SORCS3: variants seen among roughly 807,000 people sequenced by gnomAD.
SORCS3 encodes the protein sortilin related VPS10 domain containing receptor 3.
A neutral mutation model predicts 146.3 loss-of-function variants in SORCS3; 57 were observed. The ratio of observed to expected loss-of-function variants is 0.39; its 90% CI spans 0.31 to 0.49. The LOEUF is 0.49. Ranked by LOEUF, SORCS3 falls within the 20% of genes least tolerant of loss-of-function variation. SORCS3 has a pLI of 0.92. For missense variants in SORCS3, 1,341 were observed against 1,575.5 expected, an observed-to-expected ratio of 0.85 and a Z score of 2.52; for synonymous variants, 653 against 618.5, an observed-to-expected ratio of 1.06 and a Z score of -0.83.
At chr10:104,695,875 T>A (rs1484961580) in intron 1 of SORCS3, among the ~76,000 whole-genome samples, 1 of 149,424 alleles carries the variant, frequency 6.7e-6, no homozygotes, top group Non-Finnish European at 1.5e-5. Context: ...TTCACAATAG[T>A]CAAAATATTG....
intron 16 of SORCS3, among the ~76,000 whole-genome samples, chr10:105,207,017 T>C (rs1252597040): frequency 2.0e-5 from 3 of 152,072 alleles, no homozygotes; most frequent in South Asian, 2.1e-4. Context: ...CCATGACTTC[T>C]TGGTTAGCTC....
intron 1 of SORCS3, among the ~76,000 whole-genome samples, chr10:104,770,740 G>A (rs571846464): frequency 2.6e-5 from 4 of 152,018 alleles, no homozygotes; most frequent in East Asian, 1.9e-4. Context: ...AGCTGAGGCC[G>A]GTGGATGATT....
intron 8 of SORCS3, among the ~76,000 whole-genome samples, chr10:105,144,204 C>G (rs1055130959): frequency 1.7e-4 from 26 of 152,150 alleles, no homozygotes; most frequent in African/African-American, 6.3e-4. Context: ...GATACAGATT[C>G]CCACACATTT....
chr10:104,827,578 A>G (rs1413260232), intron 1 of SORCS3, among the ~76,000 whole-genome samples: 1 of 152,172 alleles, frequency 6.6e-6, no homozygotes, highest in East Asian at 1.9e-4. Flanking sequence ...ATAGAACACA[A>G]GCAGAGGAGA....
intron 19 of SORCS3, among the ~76,000 whole-genome samples, chr10:105,221,843 G>T (rs886580014): frequency 6.6e-6 from 1 of 152,144 alleles, no homozygotes; most frequent in Middle Eastern, 3.4e-3. Flanking sequence ...AATGTGCTCT[G>T]ACATAATAGG....
intron 7 of SORCS3, among the ~76,000 whole-genome samples, chr10:105,114,846 G>T (rs574241345): frequency 2.3e-4 from 35 of 152,262 alleles, no homozygotes; most frequent in African/African-American, 7.5e-4. Flanking sequence ...GCAATAACAT[G>T]TATCAGACTG....
At chr10:104,695,276 G>A (rs1351338781) in intron 1 of SORCS3, among the ~76,000 whole-genome samples, 1 of 152,032 alleles carries the variant, frequency 6.6e-6, no homozygotes, top group African/African-American at 2.4e-5. Context: ...AAGAAGTGTT[G>A]TAAATCCAGT....
intron 3 of SORCS3, among the ~76,000 whole-genome samples, chr10:104,971,498 A>G (rs990204547): frequency 4.3e-4 from 65 of 152,172 alleles, no homozygotes; most frequent in African/African-American, 1.4e-3. Context: ...ACGCTCATGG[A>G]GCTAGGGTAT....
intron 4 of SORCS3, among the ~76,000 whole-genome samples, chr10:105,040,544 C>T (rs879623909): frequency 6.6e-6 from 1 of 152,124 alleles, no homozygotes; most frequent in Non-Finnish European, 1.5e-5. Context: ...ATCTGTCAAC[C>T]TCTAGAGCTT....
chr10:104,916,371 AC>A (rs1261201616), intron 3 of SORCS3, among the ~76,000 whole-genome samples: 1 of 152,028 alleles, frequency 6.6e-6, no homozygotes, highest in African/African-American at 2.4e-5. Context: ...TTTTTTGAGA[AC>A]CCCTTACTCC....
chr10:105,180,330 T>C (rs1415229202), intron 14 of SORCS3, among the ~76,000 whole-genome samples: 2 of 152,192 alleles, frequency 1.3e-5, no homozygotes, highest in African/African-American at 4.8e-5. Context: ...AAATGTAAGT[T>C]CCAAGAAAGC....
intron 1 of SORCS3, among the ~76,000 whole-genome samples, chr10:104,747,254 A>C (rs1170468031): frequency 6.6e-6 from 1 of 152,190 alleles, no homozygotes; most frequent in African/African-American, 2.4e-5. Flanking sequence ...CAGCTGCTCA[A>C]AGTGTTTGTC....
At chr10:104,989,252 G>A (rs1010101802) in intron 4 of SORCS3, among the ~76,000 whole-genome samples, 1 of 152,200 alleles carries the variant, frequency 6.6e-6, no homozygotes, top group African/African-American at 2.4e-5. Flanking sequence ...TTGAAGTACT[G>A]ACAGGTATTA....
At chr10:105,118,826 G>A (rs562778087) in intron 7 of SORCS3, among the ~76,000 whole-genome samples, 3 of 152,262 alleles carry the variant, frequency 2.0e-5, no homozygotes, top group Non-Finnish European at 4.4e-5. Context: ...TCTGGTGGAA[G>A]GAACTTCTAA....
At chr10:105,056,683 C>G (rs1652375213) in intron 5 of SORCS3, among the ~76,000 whole-genome samples, 1 of 152,186 alleles carries the variant, frequency 6.6e-6, no homozygotes, top group Admixed American at 6.5e-5. Context: ...CTAAAGCATC[C>G]TGATCTCAAG....
At chr10:105,041,426 T>TAC (rs1381378360) in intron 4 of SORCS3, among the ~76,000 whole-genome samples, 2 of 143,590 alleles carry the variant, frequency 1.4e-5, no homozygotes, top group Non-Finnish European at 3.0e-5. Flanking sequence ...TATATATATA[T>TAC]ACACACACAT....
chr10:104,795,697 T>G (rs2017546944), intron 1 of SORCS3, among the ~76,000 whole-genome samples: 1 of 152,262 alleles, frequency 6.6e-6, no homozygotes, highest in Non-Finnish European at 1.5e-5. Flanking sequence ...GCTTTCTTGT[T>G]GATAACCGCT....
intron 4 of SORCS3, among the ~76,000 whole-genome samples, chr10:105,029,674 C>A (rs1315754656): frequency 6.6e-6 from 1 of 152,124 alleles, no homozygotes; most frequent in Non-Finnish European, 1.5e-5. Context: ...TGTCTTAAGG[C>A]CAAGGTACTC....
At chr10:104,883,120 T>A (rs2018647256) in intron 2 of SORCS3, among the ~76,000 whole-genome samples, 1 of 152,200 alleles carries the variant, frequency 6.6e-6, no homozygotes, top group Non-Finnish European at 1.5e-5. Context: ...ATTCCTGAAC[T>A]TCACTGAAGC....
Sources: allele counts gnomAD v4.1 joint callset (sites outside exome capture counted in the v4.1 genomes callset), GRCh38; gene constraint gnomAD v4.1.1; transcripts MANE v1.5; gene names NCBI Gene and HGNC (gene_info 2026-07-23, HGNC 2026-07-21).